The following ZNF804A variants were observed in gnomAD, a reference collection of about 807,000 sequenced individuals.
ZNF804A encodes the protein zinc finger protein 804A.
Under a neutral mutation model 16.5 loss-of-function variants are expected in ZNF804A, and 2 were observed. The ratio of observed to expected loss-of-function variants is 0.12; its 90% CI spans 0.05 to 0.38. The LOEUF is 0.38. Ranked by LOEUF, ZNF804A falls within the 10% of genes least tolerant of loss-of-function variation. The probability of loss-of-function intolerance (pLI) is 0.99; values close to 1 mark genes in which losing one functional copy is unlikely to be tolerated. For synonymous variants in ZNF804A, 534 were observed against 489.6 expected (o/e 1.09, Z -1.20); for missense variants, 1,473 against 1,390.7 (o/e 1.06, Z -0.94).
At chr2:184,924,379 T>C (rs959756169) in intron 2 of ZNF804A, among the ~76,000 whole-genome samples, 2 of 151,832 alleles carry the variant, frequency 1.3e-5, no homozygotes, top group Non-Finnish European at 2.9e-5. Context: ...CCACTAATAG[T>C]CTTTTAAATT....
chr2:184,690,893 A>G (rs562531708), intron 1 of ZNF804A, among the ~76,000 whole-genome samples: 2 of 152,154 alleles, frequency 1.3e-5, no homozygotes, highest in East Asian at 3.9e-4. Flanking sequence ...ATACAAATAG[A>G]TTCTACCAAT....
At chr2:184,774,505 C>A (rs146393018) in intron 1 of ZNF804A, among the ~76,000 whole-genome samples, 4 of 151,526 alleles carry the variant, frequency 2.6e-5, no homozygotes, top group Non-Finnish European at 4.4e-5. Context: ...CATCTTGTTG[C>A]TGTTCATTTT....
At chr2:184,912,425 T>C (rs977186431) in intron 2 of ZNF804A, among the ~76,000 whole-genome samples, 2 of 152,006 alleles carry the variant, frequency 1.3e-5, no homozygotes, top group Non-Finnish European at 2.9e-5. Flanking sequence ...TGTAAAATTT[T>C]TTGTTTGAAT....
intron 1 of ZNF804A, among the ~76,000 whole-genome samples, chr2:184,739,660 G>A (rs1349775863): frequency 6.6e-6 from 1 of 152,128 alleles, no homozygotes; most frequent in Non-Finnish European, 1.5e-5. Flanking sequence ...CCAAAGTGCT[G>A]GGATGACAGG....
At position 184,937,081 on chromosome 2, in the gene ZNF804A, A is replaced by G; in HGVS notation, c.1685A>G (p.Asn562Ser). 2 of 1,602,984 alleles carry G rather than the reference A, an allele frequency of 1.2e-6. No individual in the cohort carries two copies. The highest frequency in any genetic ancestry group is 2.2e-5 in the South Asian group (2 of 89,282). The stretch of plus-strand genomic sequence containing the variant: ...AAGATCAGAGAAACAGAAAAGTATA[A>G]TTTTACTAAAAGTCAAATAAAACAG... ...SCKIRETEKY[N>S]FTKSQIKQDT... The change falls in exon 4 of 4, where the codon AAT (asparagine) becomes AGT (serine). Residue 562 changes from asparagine (N) to serine (S), a missense_variant. Physicochemically the swap from Asn to Ser is conservative, Grantham distance 46 (BLOSUM62 1). Coordinates refer to ENST00000302277, the MANE Select transcript of ZNF804A (RefSeq NM_194250.2).
At chr2:184,808,239 C>T (rs1042623890) in intron 1 of ZNF804A, among the ~76,000 whole-genome samples, 1 of 151,444 alleles carries the variant, frequency 6.6e-6, no homozygotes, top group Non-Finnish European at 1.5e-5. Context: ...CTATCTTTCT[C>T]ATTTTATTTT....
At chr2:184,792,523 T>G (rs1002579822) in intron 1 of ZNF804A, among the ~76,000 whole-genome samples, 3 of 152,202 alleles carry the variant, frequency 2.0e-5, no homozygotes, top group Non-Finnish European at 4.4e-5. Flanking sequence ...ATTTTTTCAT[T>G]GAGTTCTAAA....
intron 1 of ZNF804A, among the ~76,000 whole-genome samples, chr2:184,851,378 T>C (rs1225346279): frequency 6.6e-6 from 1 of 151,948 alleles, no homozygotes; most frequent in African/African-American, 2.4e-5. Flanking sequence ...CACCATTCTC[T>C]TTCTGCTTCT....
intron 1 of ZNF804A, among the ~76,000 whole-genome samples, chr2:184,836,370 C>T (rs1159329861): frequency 6.6e-6 from 1 of 152,006 alleles, no homozygotes; most frequent in Non-Finnish European, 1.5e-5. Context: ...TTTGTGCACA[C>T]ACCATGTTGC....
chr2:184,660,609 A>T (rs1027674510), intron 1 of ZNF804A, among the ~76,000 whole-genome samples: 4 of 152,202 alleles, frequency 2.6e-5, no homozygotes, highest in African/African-American at 4.8e-5. Context: ...AATCTCTCAT[A>T]CTATGTCAAA....
chr2:184,724,764 G>A (rs539941770), intron 1 of ZNF804A, among the ~76,000 whole-genome samples: 2 of 151,790 alleles, frequency 1.3e-5, no homozygotes, highest in Admixed American at 1.3e-4. Flanking sequence ...AAGCAGCACG[G>A]GAAATGTATG....
intron 1 of ZNF804A, among the ~76,000 whole-genome samples, chr2:184,752,540 T>C (rs1392854160): frequency 6.6e-6 from 1 of 151,462 alleles, no homozygotes; most frequent in Non-Finnish European, 1.5e-5. Flanking sequence ...TGTTCACTAT[T>C]TGCAACTGAG....
At chr2:184,752,036 G>A (rs75448410) in intron 1 of ZNF804A, among the ~76,000 whole-genome samples, 1 of 151,766 alleles carries the variant, frequency 6.6e-6, no homozygotes, top group East Asian at 1.9e-4. Flanking sequence ...TTGGTGGGTA[G>A]TATATTAGTT....
chr2:184,860,109 G>C (rs1695774055), intron 1 of ZNF804A, among the ~76,000 whole-genome samples: 1 of 152,218 alleles, frequency 6.6e-6, no homozygotes. Flanking sequence ...TGTCCATAGG[G>C]TGTGCCTTGG....
chr2:184,923,628 G>T (rs928423699), intron 2 of ZNF804A, among the ~76,000 whole-genome samples: 8 of 151,936 alleles, frequency 5.3e-5, no homozygotes, highest in African/African-American at 1.7e-4. Context: ...TCGTGGTCCA[G>T]ATCACAAAGA....
intron 2 of ZNF804A, among the ~76,000 whole-genome samples, chr2:184,917,779 G>A (rs1203528310): frequency 1.4e-5 from 2 of 147,910 alleles, no homozygotes; most frequent in Non-Finnish European, 3.0e-5. Context: ...ATGCAGATAA[G>A]GCATAACTAG....
At chr2:184,746,831 C>A (rs1693796238) in intron 1 of ZNF804A, among the ~76,000 whole-genome samples, 1 of 151,408 alleles carries the variant, frequency 6.6e-6, no homozygotes, top group African/African-American at 2.4e-5. Context: ...GCTTAAGTTT[C>A]ATTTAACGTA....
intron 1 of ZNF804A, among the ~76,000 whole-genome samples, chr2:184,660,572 A>G (rs1366306601): frequency 6.6e-6 from 1 of 152,222 alleles, no homozygotes; most frequent in East Asian, 1.9e-4. Flanking sequence ...CCTGAACACA[A>G]TTCTTCAATT....
chr2:184,726,638 ACAGT>A (rs1168696577), intron 1 of ZNF804A, among the ~76,000 whole-genome samples: 10 of 151,674 alleles, frequency 6.6e-5, no homozygotes, highest in Non-Finnish European at 1.5e-4. Context: ...AATTAAAAAA[ACAGT>A]CAAACTAGCC....
Sources: allele counts gnomAD v4.1 joint callset (sites outside exome capture counted in the v4.1 genomes callset), GRCh38; gene constraint gnomAD v4.1.1; transcripts MANE v1.5; gene names NCBI Gene and HGNC (gene_info 2026-07-23, HGNC 2026-07-21).